MSRA: variants seen among roughly 807,000 people sequenced by gnomAD.
MSRA encodes the protein mitochondrial peptide methionine sulfoxide reductase.
In MSRA, 54 loss-of-function variants were observed where a neutral mutation model predicts 31.3. The ratio of observed to expected loss-of-function variants is 1.73; its 90% CI spans 1.39 to 2.17. The LOEUF is 2.17. Among genes scored for constraint, MSRA ranks in the 30% most tolerant of loss-of-function variants. The pLI is 0.00. For missense variants in MSRA, 507 were observed against 300.9 expected (o/e 1.69, Z -5.07); for synonymous variants, 169 against 116.5 (o/e 1.45, Z -2.90).
intron 1 of MSRA, among the ~76,000 whole-genome samples, chr8:10,138,223 GAT>G (rs1454025072): frequency 6.6e-6 from 1 of 152,180 alleles, no homozygotes; most frequent in Non-Finnish European, 1.5e-5. Flanking sequence ...TTTTAAAATG[GAT>G]ATCTCTTTGA....
At chr8:10,278,540 A>C (rs1322277905) in intron 3 of MSRA, among the ~76,000 whole-genome samples, 1 of 152,202 alleles carries the variant, frequency 6.6e-6, no homozygotes, top group South Asian at 2.1e-4. Flanking sequence ...CATCAGATGG[A>C]CGGAGAGCAC....
intron 5 of MSRA, among the ~76,000 whole-genome samples, chr8:10,323,563 G>A (rs539375040): frequency 1.3e-5 from 2 of 152,148 alleles, no homozygotes; most frequent in Admixed American, 1.3e-4. Context: ...GGGAACCCAC[G>A]TTGATTTTAG....
At chr8:10,136,581 G>T (rs1265124690) in intron 1 of MSRA, among the ~76,000 whole-genome samples, 3 of 152,222 alleles carry the variant, frequency 2.0e-5, no homozygotes, top group Non-Finnish European at 2.9e-5. Context: ...AAAATCACAA[G>T]TGTGGGCCTG....
chr8:10,332,082 T>C (rs935679511), intron 5 of MSRA, among the ~76,000 whole-genome samples: 2 of 152,148 alleles, frequency 1.3e-5, no homozygotes, highest in African/African-American at 4.8e-5. Context: ...ATATCTTCCT[T>C]TCTGTCATGA....
At chr8:10,302,046 G>T (rs375284693) in intron 4 of MSRA, among the ~76,000 whole-genome samples, 1 of 152,114 alleles carries the variant, frequency 6.6e-6, no homozygotes, top group South Asian at 2.1e-4. Context: ...GTCTTTTGAC[G>T]TTATCAGGTT....
chr8:10,223,485 A>G (rs987239360), intron 2 of MSRA, among the ~76,000 whole-genome samples: 1 of 152,210 alleles, frequency 6.6e-6, no homozygotes, highest in African/African-American at 2.4e-5. Flanking sequence ...AGAATGTCAG[A>G]TATTGGTTAT....
At chr8:10,180,229 T>C (rs1004520840) in intron 1 of MSRA, among the ~76,000 whole-genome samples, 7 of 152,170 alleles carry the variant, frequency 4.6e-5, no homozygotes, top group African/African-American at 1.7e-4. Flanking sequence ...GATCTCAGAA[T>C]AACAGTTTAT....
intron 5 of MSRA, among the ~76,000 whole-genome samples, chr8:10,321,840 C>T (rs937961843): frequency 6.6e-5 from 10 of 152,162 alleles, no homozygotes; most frequent in African/African-American, 2.4e-4. Context: ...AGACTGCAGC[C>T]CTGCCTGACA....
intron 3 of MSRA, among the ~76,000 whole-genome samples, chr8:10,271,863 C>G (rs1048322910): frequency 1.3e-5 from 2 of 152,020 alleles, no homozygotes; most frequent in East Asian, 3.9e-4. Flanking sequence ...GGATTATAGG[C>G]ACGTGCTACC....
chr8:10,117,772 C>T (rs1800791433), intron 1 of MSRA, among the ~76,000 whole-genome samples: 1 of 152,252 alleles, frequency 6.6e-6, no homozygotes, highest in East Asian at 1.9e-4. Context: ...AACTTGGACT[C>T]TGTTTCCTTT....
intron 1 of MSRA, among the ~76,000 whole-genome samples, chr8:10,069,218 A>C (rs1797609575): frequency 6.6e-6 from 1 of 152,014 alleles, no homozygotes; most frequent in Non-Finnish European, 1.5e-5. Context: ...GAACAGTTTT[A>C]TTTCTTCCTT....
At chr8:10,223,488 T>C (rs536320217) in intron 2 of MSRA, among the ~76,000 whole-genome samples, 5 of 152,322 alleles carry the variant, frequency 3.3e-5, no homozygotes, top group African/African-American at 9.6e-5. Context: ...ATGTCAGATA[T>C]TGGTTATCGG....
At chr8:10,390,682 G>T (rs1014871393) in intron 5 of MSRA, among the ~76,000 whole-genome samples, 4 of 152,154 alleles carry the variant, frequency 2.6e-5, no homozygotes, top group African/African-American at 4.8e-5. Context: ...CACAGGTGCC[G>T]CATTGTTTCT....
chr8:10,427,729 T>C (rs1265904737), intron 5 of MSRA, among the ~76,000 whole-genome samples: 1 of 152,268 alleles, frequency 6.6e-6, no homozygotes, highest in Middle Eastern at 3.4e-3. Context: ...CCTCCCACTG[T>C]GGCCCTGCTG....
At chr8:10,216,821 T>A (rs1474700952) in intron 2 of MSRA, among the ~76,000 whole-genome samples, 1 of 152,232 alleles carries the variant, frequency 6.6e-6, no homozygotes, top group African/African-American at 2.4e-5. Flanking sequence ...AATACTTGAG[T>A]TGCTTCCACC....
intron 1 of MSRA, among the ~76,000 whole-genome samples, chr8:10,138,252 G>A (rs562558643): frequency 3.1e-4 from 47 of 152,288 alleles, no homozygotes; most frequent in African/African-American, 1.1e-3. Flanking sequence ...ATTCATTGGT[G>A]TCAGCTGGTT....
intron 5 of MSRA, among the ~76,000 whole-genome samples, chr8:10,371,064 C>G (rs990643377): frequency 6.6e-6 from 1 of 152,186 alleles, no homozygotes; most frequent in Non-Finnish European, 1.5e-5. Flanking sequence ...TGTTTTCAGA[C>G]CATGCTAACC....
At chr8:10,145,244 C>A (rs11998591) in intron 1 of MSRA, among the ~76,000 whole-genome samples, 32,106 of 152,124 alleles carry the variant, frequency 0.21, 3,845 homozygotes, top group East Asian at 0.39. Flanking sequence ...ATCAGCTTTT[C>A]CTTCCTTAAG....
intron 1 of MSRA, among the ~76,000 whole-genome samples, chr8:10,133,615 C>T (rs1382876741): frequency 6.6e-6 from 1 of 152,158 alleles, no homozygotes; most frequent in Non-Finnish European, 1.5e-5. Context: ...TTAGTATACC[C>T]ACAGTGGGGA....
Sources: allele counts gnomAD v4.1 joint callset (sites outside exome capture counted in the v4.1 genomes callset), GRCh38; gene constraint gnomAD v4.1.1; transcripts MANE v1.5; gene names NCBI Gene and HGNC (gene_info 2026-07-23, HGNC 2026-07-21).